NEMP2: variants seen among roughly 807,000 people sequenced by gnomAD.
NEMP2 encodes the protein UPF0571 transmembrane protein.
Under a neutral mutation model 54.2 loss-of-function variants are expected in NEMP2, and 53 were observed. The ratio of observed to expected loss-of-function variants is 0.98; its 90% CI spans 0.78 to 1.23. The LOEUF (loss-of-function observed/expected upper bound fraction) is 1.23, where lower values mean the gene tolerates loss of function less well. Among genes scored for constraint, NEMP2 ranks in the 50% most tolerant of loss-of-function variants. NEMP2 has a pLI of 0.00. For synonymous variants in NEMP2, 197 were observed against 190.3 expected (o/e 1.04, Z -0.29); for missense variants, 455 against 511.3 (o/e 0.89, Z 1.06).
At chr2:190,567,882 T>TG in the NEMP2 span, among the ~76,000 whole-genome samples, 220 of 152,230 alleles carry the variant, frequency 1.4e-3, 1 homozygote, top group African/African-American at 5.2e-3. The surrounding 1 kb of genome is among the most constrained non-coding windows in gnomAD (Gnocchi z 4.0). Flanking sequence ...CTCTTGACCT[T>TG]GCGATTCGCC....
At chr2:190,535,692 G>T (rs182319703), upstream of NEMP2, among the ~76,000 whole-genome samples, 1 of 152,168 alleles carries the variant, frequency 6.6e-6, no homozygotes, top group Non-Finnish European at 1.5e-5. Context: ...TCAAAGAAAG[G>T]TTTAACCAAC....
the NEMP2 span, among the ~76,000 whole-genome samples, chr2:190,543,481 T>C: frequency 6.6e-6 from 1 of 152,242 alleles, no homozygotes; most frequent in Non-Finnish European, 1.5e-5. The surrounding 1 kb of genome is among the most constrained non-coding windows in gnomAD (Gnocchi z 4.7). Flanking sequence ...GCAGGAGTCC[T>C]GTTCCTGCCT....
At chr2:190,574,841 T>TTTTTC in the NEMP2 span, among the ~76,000 whole-genome samples, 2 of 130,542 alleles carry the variant, frequency 1.5e-5, no homozygotes, top group African/African-American at 3.1e-5. Context: ...TCCTTCCTTC[T>TTTTTC]TTTTCTTTTC....
the NEMP2 span, among the ~76,000 whole-genome samples, chr2:190,540,699 G>T: frequency 1.3e-5 from 2 of 152,176 alleles, no homozygotes; most frequent in Non-Finnish European, 2.9e-5. Context: ...TCATTTTTGT[G>T]TGTGGGTCCT....
the NEMP2 span, among the ~76,000 whole-genome samples, chr2:190,623,265 A>G: frequency 0.017 from 2,522 of 152,272 alleles, 83 homozygotes; most frequent in African/African-American, 0.057. Flanking sequence ...CAGATTCAAT[A>G]CAATCTCTAT....
chr2:190,474,313 C>G, the NEMP2 span, among the ~76,000 whole-genome samples: 1 of 151,564 alleles, frequency 6.6e-6, no homozygotes, highest in African/African-American at 2.4e-5. Context: ...ATTGATAGAC[C>G]GCTAGCAAGA....
the NEMP2 span, among the ~76,000 whole-genome samples, chr2:190,624,266 T>C: frequency 6.6e-6 from 1 of 152,202 alleles, no homozygotes; most frequent in African/African-American, 2.4e-5. Context: ...CTCACCCTAA[T>C]TAAAATGGCT....
chr2:190,611,765 C>G, the NEMP2 span, among the ~76,000 whole-genome samples: 2 of 152,226 alleles, frequency 1.3e-5, no homozygotes, highest in Non-Finnish European at 2.9e-5. The surrounding 1 kb of genome is among the most constrained non-coding windows in gnomAD (Gnocchi z 5.4). Context: ...ACACACCTTG[C>G]ATGTAAACTG....
the NEMP2 span, among the ~76,000 whole-genome samples, chr2:190,479,539 G>A: frequency 6.6e-6 from 1 of 152,096 alleles, no homozygotes; most frequent in Non-Finnish European, 1.5e-5. Context: ...TCATGATTTT[G>A]ATCAAGAATA....
chr2:190,439,078 C>T, the NEMP2 span, among the ~76,000 whole-genome samples: 11 of 151,976 alleles, frequency 7.2e-5, no homozygotes, highest in African/African-American at 4.8e-5. The surrounding 1 kb of genome is among the most constrained non-coding windows in gnomAD (Gnocchi z 5.8). Flanking sequence ...ATTAAGGACT[C>T]GGAATGCCCT....
Position 190,533,820 on chromosome 2 carries a change from G to A in NEMP2, c.97+739C>T, listed in dbSNP as rs1170171722. ...ATGTGAAGCTCATGGTAAGTTAGCG[G>A]CAGGTCTGGAGTTGGAACTCTAGGT... On this transcript the variant is annotated intron_variant, in intron 1 of 8. Coordinates refer to ENST00000409150, the MANE Select transcript of NEMP2 (RefSeq NM_001142645.2). This position sits in a 1 kb window ranked among gnomAD's most constrained non-coding sequence, Gnocchi z 4.3. 6.6e-6 allele frequency among the ~76,000 whole-genome samples: 1 copy of A among 152,100 alleles called. No individual in the cohort carries two copies. The highest frequency in any genetic ancestry group is 2.4e-5 in the African/African-American group (1 of 41,430).
chr2:190,440,769 T>C, the NEMP2 span, among the ~76,000 whole-genome samples: 1 of 152,234 alleles, frequency 6.6e-6, no homozygotes, highest in Non-Finnish European at 1.5e-5. Context: ...CCGGGGGGGT[T>C]ACATTACCTA....
At chr2:190,534,485 C>G in intron 1 of NEMP2, 74 bp downstream of exon 1, 1 of 1,298,030 alleles carries the variant, frequency 7.7e-7, no homozygotes, top group South Asian at 2.3e-5. Flanking sequence ...GGCCAAAGAG[C>G]GCGCCCTCAG....
chr2:190,600,059 C>T, the NEMP2 span, among the ~76,000 whole-genome samples: 125 of 152,254 alleles, frequency 8.2e-4, no homozygotes, highest in African/African-American at 2.9e-3. This position sits in a 1 kb window ranked among gnomAD's most constrained non-coding sequence, Gnocchi z 4.9. Flanking sequence ...CTGGTCTGAG[C>T]GGTACAGAGC....
the NEMP2 span, among the ~76,000 whole-genome samples, chr2:190,574,591 A>G: frequency 6.6e-6 from 1 of 152,166 alleles, no homozygotes; most frequent in Non-Finnish European, 1.5e-5. Context: ...ATCTCAAAAA[A>G]AAGCCTATAT....
the NEMP2 span, among the ~76,000 whole-genome samples, chr2:190,614,862 A>G: frequency 6.6e-6 from 1 of 152,212 alleles, no homozygotes; most frequent in Non-Finnish European, 1.5e-5. This position sits in a 1 kb window ranked among gnomAD's most constrained non-coding sequence, Gnocchi z 5.7. Flanking sequence ...CATACAACCC[A>G]GTTAACTCAC....
the NEMP2 span, among the ~76,000 whole-genome samples, chr2:190,434,266 G>GGAACAACATAGA: frequency 6.6e-6 from 1 of 151,754 alleles, no homozygotes; most frequent in African/African-American, 2.4e-5. This position sits in a 1 kb window ranked among gnomAD's most constrained non-coding sequence, Gnocchi z 4.3. Flanking sequence ...ATCAGAATCT[G>GGAACAACATAGA]TTCATTGGAA....
At chr2:190,431,892 T>A in the NEMP2 span, among the ~76,000 whole-genome samples, 900 of 152,342 alleles carry the variant, frequency 5.9e-3, 10 homozygotes, top group African/African-American at 0.021. The surrounding 1 kb of genome is among the most constrained non-coding windows in gnomAD (Gnocchi z 4.4). Context: ...CCATCCTTTT[T>A]CTTTAAAAAT....
At chr2:190,477,696 C>G in the NEMP2 span, among the ~76,000 whole-genome samples, 8 of 152,286 alleles carry the variant, frequency 5.3e-5, no homozygotes, top group South Asian at 1.7e-3. Flanking sequence ...GCCACAAGGT[C>G]TCACCAACTG....
Sources: gnomAD v4.1 joint callset for allele counts (sites outside exome capture counted in the v4.1 genomes callset) on GRCh38, gnomAD v4.1.1 for gene constraint, Gnocchi (gnomAD v3.1) non-coding constraint, MANE v1.5 for transcripts, NCBI Gene and HGNC (gene_info 2026-07-23, HGNC 2026-07-21) for gene names.